Variants in NBAS observed in about 807,000 individuals in gnomAD.
The protein encoded by NBAS is NBAS subunit of NRZ tethering complex.
In NBAS, 219 loss-of-function variants were observed where a neutral mutation model predicts 302.5. That is an observed-to-expected ratio of 0.72 (90% CI 0.65 to 0.81). The LOEUF (loss-of-function observed/expected upper bound fraction) is 0.81, where lower values mean the gene tolerates loss of function less well. Among genes scored for constraint, NBAS ranks in the 30% least tolerant of loss-of-function variants. The pLI is 0.00. For missense variants in NBAS, 2,932 were observed against 2,841.6 expected, an observed-to-expected ratio of 1.03 and a Z score of -0.72; for synonymous variants, 1,118 against 1,021.6, an observed-to-expected ratio of 1.09 and a Z score of -1.80.
chr2:15,106,792 G>T, the NBAS span, among the ~76,000 whole-genome samples: 5 of 152,064 alleles, frequency 3.3e-5, no homozygotes, highest in Admixed American at 3.3e-4. Context: ...ATTAGGAGGG[G>T]TGGGCTAGTG....
At chr2:15,370,951 A>G (rs948486495) in intron 31 of NBAS, among the ~76,000 whole-genome samples, 3 of 152,152 alleles carry the variant, frequency 2.0e-5, no homozygotes, top group African/African-American at 7.2e-5. Context: ...TTGAAATGTG[A>G]GGACATGAGA....
At chr2:15,172,426 T>C (rs1485579814) in intron 51 of NBAS, among the ~76,000 whole-genome samples, 1 of 152,200 alleles carries the variant, frequency 6.6e-6, no homozygotes, top group Admixed American at 6.5e-5. Flanking sequence ...TCTAACCTAT[T>C]GTTTACAGTT....
rs530620174 is a variant in NBAS at position 15,339,925 on chromosome 2, A to G, written c.4180-9160T>C. Among the ~76,000 whole-genome samples, 51 of 136,284 alleles carry G rather than the reference A, an allele frequency of 3.7e-4. No homozygotes were observed. In the South Asian group the frequency reaches 8.8e-3, roughly 23 times the overall value. 89.4% of individuals were successfully genotyped at this position (136,284 alleles called of 152,430 possible). ...GAATGCTTAAAGAATGGCAAAAAGG[A>G]AAAAAAAAAAAGCCAATATGACTAG... On this transcript the variant is annotated intron_variant, in intron 35 of 51. Transcript: ENST00000281513.
chr2:15,017,248 G>T, the NBAS span, among the ~76,000 whole-genome samples: 36 of 151,946 alleles, frequency 2.4e-4, no homozygotes, highest in African/African-American at 8.2e-4. Context: ...TCAGGACATG[G>T]ATCTGGAAAA....
chr2:14,958,184 T>G, the NBAS span, among the ~76,000 whole-genome samples: 1 of 152,182 alleles, frequency 6.6e-6, no homozygotes, highest in Admixed American at 6.5e-5. Flanking sequence ...AAATTAACAT[T>G]TTACTGGTAG....
the NBAS span, among the ~76,000 whole-genome samples, chr2:14,924,400 C>T: frequency 1.3e-5 from 2 of 152,230 alleles, no homozygotes; most frequent in Non-Finnish European, 2.9e-5. Flanking sequence ...TCTACTAATG[C>T]CTCACAGCTG....
the NBAS span, among the ~76,000 whole-genome samples, chr2:15,016,125 T>G: frequency 6.6e-6 from 1 of 151,522 alleles, no homozygotes; most frequent in African/African-American, 2.4e-5. Context: ...GAAAAAGAGG[T>G]TTAATGGACT....
At position 15,353,684 on chromosome 2, in the gene NBAS, T is replaced by C. The variant is rs559655377; in HGVS notation, c.3958A>G (p.Ser1320Gly). The C allele has an allele frequency of 1.9e-6, 3 of 1,614,012 alleles. No individual in the cohort carries two copies. Among genetic ancestry groups the C allele is most frequent in the Admixed American group, 3.3e-5 (2 of 60,016 alleles). The change falls in exon 34 of 52, where the codon AGC becomes GGC. Residue 1320 changes from serine (S) to glycine (G), a missense_variant. Transcript: ENST00000281513. ...TAACCTTCTGATTGTCCTAACTGGC[T>C]ACAAACATCCCAACTTTTAGGATAA... The part of the protein sequence containing the change: ...TGYPKSWDVC[S>G]QLGQSEGYQD...
At chr2:15,142,536 G>T in the NBAS span, among the ~76,000 whole-genome samples, 1 of 152,324 alleles carries the variant, frequency 6.6e-6, no homozygotes, top group South Asian at 2.1e-4. Flanking sequence ...TTGAGGGAAC[G>T]CTCCCCTTGT....
At chr2:15,556,098 T>TAC (rs889186536) in intron 3 of NBAS, among the ~76,000 whole-genome samples, 4 of 152,074 alleles carry the variant, frequency 2.6e-5, no homozygotes, top group African/African-American at 4.8e-5. Flanking sequence ...TGTATGCACA[T>TAC]ACACACACAC....
chr2:15,369,183 G>A (rs1674367381), intron 31 of NBAS, among the ~76,000 whole-genome samples: 1 of 152,096 alleles, frequency 6.6e-6, no homozygotes, highest in African/African-American at 2.4e-5. Flanking sequence ...GTAAAAATCT[G>A]GAGTTTTCAT....
chr2:15,034,030 GAGGAGGA>G, the NBAS span, among the ~76,000 whole-genome samples: 603 of 44,258 alleles, frequency 0.014, 52 homozygotes, highest in African/African-American at 0.069. Context: ...AGAAGAAGAG[GAGGAGGA>G]AGGAGGAGGA....
chr2:15,240,103 T>C (rs2147950219), intron 44 of NBAS, among the ~76,000 whole-genome samples: 1 of 152,216 alleles, frequency 6.6e-6, no homozygotes, highest in South Asian at 2.1e-4. Flanking sequence ...CAAAAGGACG[T>C]GTTGATTTTT....
intron 6 of NBAS, among the ~76,000 whole-genome samples, chr2:15,543,539 T>A (rs1393801333): frequency 6.6e-6 from 1 of 152,176 alleles, no homozygotes; most frequent in Non-Finnish European, 1.5e-5. Context: ...TTAATTGAAT[T>A]TACAGTTCCA....
chr2:15,218,890 G>T lies in NBAS; in HGVS notation c.6315C>A (p.Pro2105=), dbSNP rs1260051865. The T allele has an allele frequency of 1.2e-6, 2 of 1,614,260 alleles. No homozygotes were observed. Among genetic ancestry groups the T allele is most frequent in the Non-Finnish European group, 1.7e-6 (2 of 1,180,054 alleles). Residue 2105 remains proline, a synonymous_variant, in exon 48 of 52, where the codon CCC becomes CCA. Coordinates refer to ENST00000281513, the MANE Select transcript of NBAS (RefSeq NM_015909.4). ...FCADDAWPVR[P]RIHVLQILGQ... ...CCAAAATCTGCAGCACGTGAATGCG[G>T]GGCCGCACCGGCCAGGCGTCATCAG...
the NBAS span, among the ~76,000 whole-genome samples, chr2:14,793,837 A>G: frequency 0.53 from 80,961 of 151,870 alleles, 22,747 homozygotes; most frequent in African/African-American, 0.72. Context: ...ACAGGGGCAC[A>G]CTAATTCAAA....
In NBAS at chr2:15,539,344, G is replaced by C. The variant is rs114603112; in HGVS notation, c.392C>G (p.Pro131Arg). Residue 131 changes from proline to arginine, a missense_variant, in exon 7 of 52, where the codon CCG (proline) becomes CGG (arginine). Pro to Arg is a moderately radical substitution (Grantham distance 103, BLOSUM62 -2). Coordinates refer to ENST00000281513, the MANE Select transcript of NBAS (RefSeq NM_015909.4). The part of the protein sequence containing the change: ...IIGKCQVPKD[P>R]KPQWRRVAWS... Reference sequence around the variant, plus strand: ...TGCTACCCGTCTCCACTGGGGTTTCGGGTCTTTCGGAACTAGAACAAAAGA... The same window carrying C: ...TGCTACCCGTCTCCACTGGGGTTTCCGGTCTTTCGGAACTAGAACAAAAGA... 3 of 1,614,140 alleles carry C rather than the reference G, an allele frequency of 1.9e-6. No homozygotes were observed. The highest frequency in any genetic ancestry group is 2.5e-6 in the Non-Finnish European group (3 of 1,180,028).
At chr2:15,321,195 T>C (rs1014526817) in intron 38 of NBAS, among the ~76,000 whole-genome samples, 15 of 152,156 alleles carry the variant, frequency 9.9e-5, no homozygotes, top group Admixed American at 5.9e-4. Context: ...TAGCCATATG[T>C]AGAAAGCTGA....
At chr2:14,897,331 T>G in the NBAS span, among the ~76,000 whole-genome samples, 63 of 152,352 alleles carry the variant, frequency 4.1e-4, no homozygotes, top group Non-Finnish European at 7.2e-4. Context: ...GAGAGAAGTT[T>G]GATAAATTAT....
Sources: allele counts gnomAD v4.1 joint callset (sites outside exome capture counted in the v4.1 genomes callset), GRCh38; gene constraint gnomAD v4.1.1; transcripts MANE v1.5; gene names NCBI Gene and HGNC (gene_info 2026-07-23, HGNC 2026-07-21).